Variants in DPF3 observed in about 807,000 individuals in gnomAD.
DPF3 encodes the protein zinc finger protein DPF3.
In DPF3, 18 loss-of-function variants were observed where a neutral mutation model predicts 56.8. That is an observed-to-expected ratio of 0.32 (90% CI 0.22 to 0.47). DPF3 has a LOEUF of 0.47. Ranked by LOEUF, DPF3 falls within the 20% of genes least tolerant of loss-of-function variation. The pLI, the probability that DPF3 is intolerant of heterozygous loss-of-function variation, is 1.00. For missense variants in DPF3, 403 were observed against 488.8 expected (o/e 0.82, Z 1.65); for synonymous variants, 188 against 180.2 (o/e 1.04, Z -0.35).
rs1003329726 is a variant in DPF3 at position 72,771,806 on chromosome 14, G to A, written c.120C>T (p.Pro40=). 6 of 1,613,862 alleles carry A rather than the reference G, an allele frequency of 3.7e-6. No homozygotes were observed. In the Admixed American group the frequency reaches 8.3e-5, roughly 22 times the overall value. The change falls in exon 2 of 11, where the codon CCC becomes CCT. Residue 40 remains proline (P), a synonymous_variant. Coordinates refer to ENST00000556509, the MANE Select transcript of DPF3 (RefSeq NM_001280542.3). ...CCACCCCAGTCTGTGAGTCCAGGAAGGGAAGACGCACGCTGCGCTCTGCAC... is the reference window on the plus strand; with the variant it reads ...CCACCCCAGTCTGTGAGTCCAGGAAAGGAAGACGCACGCTGCGCTCTGCAC... ...RLCAERSVRL[P]FLDSQTGVAQ... is the part of the protein sequence containing the mutation.
intron 8 of DPF3, chr14:72,662,039 G>T: frequency 4.1e-6 from 4 of 985,070 alleles, no homozygotes; most frequent in Non-Finnish European, 4.8e-6. Flanking sequence ...TGCCTGGGGT[G>T]AGGGGGCAAT....
intron 7 of DPF3, among the ~76,000 whole-genome samples, chr14:72,685,059 T>C (rs931561579): frequency 2.0e-5 from 3 of 152,350 alleles, no homozygotes; most frequent in African/African-American, 7.2e-5. Context: ...ACTTCCAGTC[T>C]CCAGAATTGT....
intron 1 of DPF3, chr14:72,892,198 AG>A: frequency 6.5e-7 from 1 of 1,535,494 alleles, no homozygotes; most frequent in Non-Finnish European, 8.7e-7. Flanking sequence ...AGGTGGCATC[AG>A]CCCGGTTATG....
chr14:72,671,959 AGTTT>A (rs1886694438), intron 8 of DPF3, among the ~76,000 whole-genome samples: 1 of 152,134 alleles, frequency 6.6e-6, no homozygotes, highest in African/African-American at 2.4e-5. Context: ...GTGATAAAAT[AGTTT>A]GTTTCCTTTA....
At position 72,665,947 on chromosome 14, in the gene DPF3, T is replaced by C. The variant is rs371004187; in HGVS notation, c.871+8293A>G. ...GCCATAGTTATTGGTTGAGTTCCAG[T>C]GGTGAGATACTTTGAAAACCTAATT... On this transcript the variant is annotated intron_variant, in intron 8 of 10. Transcript: ENST00000556509. 1.1e-3 allele frequency among the ~76,000 whole-genome samples: 161 copies of C among 152,328 alleles called. 1 individual carries two copies. Among genetic ancestry groups the C allele is most frequent in the African/African-American group, 3.6e-3 (151 of 41,582 alleles).
intron 1 of DPF3, among the ~76,000 whole-genome samples, chr14:72,878,268 G>T (rs923486902): frequency 1.3e-5 from 2 of 152,106 alleles, no homozygotes; most frequent in African/African-American, 4.8e-5. Context: ...ATAATGATAC[G>T]CTGGTATCTC....
chr14:72,777,581 T>G (rs1467843352), intron 1 of DPF3, among the ~76,000 whole-genome samples: 1 of 152,196 alleles, frequency 6.6e-6, no homozygotes, highest in Non-Finnish European at 1.5e-5. Context: ...CCAAATCTCA[T>G]GTTGAATTGT....
chr14:72,873,253 G>C (rs1460283991), intron 1 of DPF3, among the ~76,000 whole-genome samples: 1 of 152,202 alleles, frequency 6.6e-6, no homozygotes, highest in Admixed American at 6.5e-5. Context: ...CCATCAACAA[G>C]TGGGCGAAGG....
At chr14:72,871,262 C>G (rs1040437751) in intron 1 of DPF3, among the ~76,000 whole-genome samples, 1 of 152,108 alleles carries the variant, frequency 6.6e-6, no homozygotes, top group African/African-American at 2.4e-5. Context: ...TGCCCTTGGC[C>G]CTTCCAAATA....
chr14:72,851,873 G>A (rs571799150), intron 1 of DPF3, among the ~76,000 whole-genome samples: 7 of 152,238 alleles, frequency 4.6e-5, no homozygotes, highest in African/African-American at 9.6e-5. Flanking sequence ...CCAGCCTCCC[G>A]ATTGGCCAGG....
intron 1 of DPF3, among the ~76,000 whole-genome samples, chr14:72,884,628 C>G (rs1424134379): frequency 6.6e-6 from 1 of 151,870 alleles, no homozygotes; most frequent in Non-Finnish European, 1.5e-5. Flanking sequence ...TCCTGCCCCC[C>G]AAGCTATCCT....
At chr14:72,892,355 G>C (rs978422995) in intron 1 of DPF3, 10 of 1,533,712 alleles carry the variant, frequency 6.5e-6, no homozygotes, top group Non-Finnish European at 7.9e-6. Context: ...TTCTTTCTTG[G>C]GTGAAACGCT....
At chr14:72,685,872 G>A (rs1048768161) in intron 7 of DPF3, among the ~76,000 whole-genome samples, 1 of 152,188 alleles carries the variant, frequency 6.6e-6, no homozygotes, top group Non-Finnish European at 1.5e-5. Context: ...GAGACACGTG[G>A]AGCCCCAATC....
At chr14:72,795,722 G>A (rs79431582) in intron 1 of DPF3, among the ~76,000 whole-genome samples, 12,549 of 152,162 alleles carry the variant, frequency 0.082, 782 homozygotes, top group South Asian at 0.21. Context: ...TCATGCTGAC[G>A]TCAGGGAGCC....
chr14:72,709,116 T>C (rs545739528), intron 6 of DPF3, among the ~76,000 whole-genome samples: 2 of 152,362 alleles, frequency 1.3e-5, no homozygotes, highest in South Asian at 4.1e-4. Context: ...CCTATTCTGA[T>C]ACTACCCCCA....
intron 3 of DPF3, among the ~76,000 whole-genome samples, chr14:72,750,136 AG>A (rs1461177534): frequency 6.6e-6 from 1 of 152,200 alleles, no homozygotes; most frequent in Admixed American, 6.5e-5. Context: ...TTTTAAGAGA[AG>A]AAGCCTGGCT....
At chr14:72,699,570 G>C (rs1037733609) in intron 6 of DPF3, among the ~76,000 whole-genome samples, 3 of 150,708 alleles carry the variant, frequency 2.0e-5, no homozygotes, top group Non-Finnish European at 4.4e-5. Flanking sequence ...ACTCACACAG[G>C]AGTGAGCAAC....
At chr14:72,805,435 A>T (rs1882727676) in intron 1 of DPF3, among the ~76,000 whole-genome samples, 1 of 151,248 alleles carries the variant, frequency 6.6e-6, no homozygotes, top group South Asian at 2.1e-4. Flanking sequence ...ACGCCATTGC[A>T]CTCCAGCCTG....
intron 6 of DPF3, among the ~76,000 whole-genome samples, chr14:72,713,930 T>A (rs1187573664): frequency 5.9e-5 from 9 of 152,224 alleles, no homozygotes; most frequent in Admixed American, 1.3e-4. Context: ...TTAAAGTAAG[T>A]CATCGTCATA....
Sources: allele counts gnomAD v4.1 joint callset (sites outside exome capture counted in the v4.1 genomes callset), GRCh38; gene constraint gnomAD v4.1.1; transcripts MANE v1.5; gene names NCBI Gene and HGNC (gene_info 2026-07-23, HGNC 2026-07-21).